Variants in SEMA5A observed in about 807,000 individuals in gnomAD.
SEMA5A encodes the protein semaphorin 5A, also known as semaphorin-5A.
A neutral mutation model predicts 135.5 loss-of-function variants in SEMA5A; 55 were observed. The ratio of observed to expected loss-of-function variants is 0.41; its 90% CI spans 0.33 to 0.51. The LOEUF is 0.51. Ranked by LOEUF, SEMA5A falls within the 20% of genes least tolerant of loss-of-function variation. The probability of loss-of-function intolerance (pLI) is 0.37; values close to 1 mark genes in which losing one functional copy is unlikely to be tolerated. For missense variants in SEMA5A, 1,290 were observed against 1,419.9 expected (o/e 0.91, Z 1.47); for synonymous variants, 580 against 546.5 (o/e 1.06, Z -0.85).
intron 5 of SEMA5A, among the ~76,000 whole-genome samples, chr5:9,276,020 T>G (rs1750242761): frequency 6.6e-6 from 1 of 152,200 alleles, no homozygotes; most frequent in African/African-American, 2.4e-5. Flanking sequence ...GAAGTCAAAT[T>G]GTCTCTGTTT....
intron 9 of SEMA5A, among the ~76,000 whole-genome samples, chr5:9,200,929 G>A (rs1745670648): frequency 6.6e-6 from 1 of 152,208 alleles, no homozygotes; most frequent in South Asian, 2.1e-4. Flanking sequence ...GGTTTCCTTA[G>A]TTACAGGGCT....
rs1449243357 is a variant in SEMA5A, at chr5:9,204,250, G to C, written c.647-2010C>G. Among the ~76,000 whole-genome samples, 1 of 152,130 alleles carries C rather than the reference G, an allele frequency of 6.6e-6. No homozygotes were observed. Among genetic ancestry groups the C allele is most frequent in the Non-Finnish European group, 1.5e-5 (1 of 68,030 alleles). On this transcript the variant is annotated intron_variant, in intron 8 of 22. Coordinates refer to ENST00000382496, the MANE Select transcript of SEMA5A (RefSeq NM_003966.3). This position sits in a 1 kb window ranked among gnomAD's most constrained non-coding sequence, Gnocchi z 6.4. ...CCCTTCCTAAAATGTGGAAAACAAAGAGAGAAGGCGTAAGGGTCCAAGTGT... is the reference window on the plus strand; with the variant it reads ...CCCTTCCTAAAATGTGGAAAACAAACAGAGAAGGCGTAAGGGTCCAAGTGT...
In SEMA5A at chr5:9,096,482, A is replaced by G. The variant is rs564623304; in HGVS notation, c.2073+11658T>C. Among the ~76,000 whole-genome samples, 16 of 152,078 alleles carry G rather than the reference A, an allele frequency of 1.1e-4. No individual in the cohort carries two copies. In the South Asian group the frequency reaches 3.1e-3, roughly 30 times the overall value. On this transcript the variant is annotated intron_variant, in intron 16 of 22. Transcript: ENST00000382496. ...CTTTGTTTGGTTTATTTTATTTAGC[A>G]TAATGTGTGCCACATCCATCCATGC...
At chr5:9,063,632 A>T (rs543500954) in intron 17 of SEMA5A, among the ~76,000 whole-genome samples, 1 of 152,360 alleles carries the variant, frequency 6.6e-6, no homozygotes, top group East Asian at 1.9e-4. Flanking sequence ...CACAGGCCTG[A>T]GAAACTCCTG....
At chr5:9,052,775 G>T (rs1216105051) in intron 19 of SEMA5A, among the ~76,000 whole-genome samples, 1 of 151,522 alleles carries the variant, frequency 6.6e-6, no homozygotes, top group Non-Finnish European at 1.5e-5. Context: ...TGTGTGAAAA[G>T]AAAGGAGTAA....
intron 1 of SEMA5A, among the ~76,000 whole-genome samples, chr5:9,477,400 T>G (rs1317398367): frequency 1.3e-5 from 2 of 152,130 alleles, no homozygotes; most frequent in East Asian, 3.9e-4. Context: ...GTTGGAATAG[T>G]CTGGAGGGCT....
At chr5:9,324,497 A>G (rs184831248) in intron 4 of SEMA5A, among the ~76,000 whole-genome samples, 28 of 152,314 alleles carry the variant, frequency 1.8e-4, no homozygotes, top group African/African-American at 6.5e-4. Flanking sequence ...TCCTTGAACT[A>G]TTTGGCCCCA....
chr5:9,284,633 A>T (rs2150571637), intron 5 of SEMA5A, among the ~76,000 whole-genome samples: 1 of 152,204 alleles, frequency 6.6e-6, no homozygotes, highest in Middle Eastern at 3.4e-3. Flanking sequence ...TTGCTAACTC[A>T]GTAATTCTTT....
At chr5:9,304,400 C>T (rs1021073117) in intron 5 of SEMA5A, among the ~76,000 whole-genome samples, 3 of 151,902 alleles carry the variant, frequency 2.0e-5, no homozygotes, top group Admixed American at 6.6e-5. Context: ...AATTCTTTAT[C>T]GATCTGATTT....
intron 3 of SEMA5A, among the ~76,000 whole-genome samples, chr5:9,364,992 G>A (rs553263219): frequency 6.6e-5 from 10 of 152,182 alleles, no homozygotes; most frequent in Non-Finnish European, 1.3e-4. Context: ...AGTACTCATT[G>A]TTCAGAAAGA....
At chr5:9,121,212 A>C (rs1208371613) in intron 14 of SEMA5A, among the ~76,000 whole-genome samples, 2 of 152,236 alleles carry the variant, frequency 1.3e-5, no homozygotes, top group Admixed American at 1.3e-4. Flanking sequence ...GCAGCTTTAC[A>C]CGTATATGTC....
intron 17 of SEMA5A, among the ~76,000 whole-genome samples, chr5:9,066,059 A>C (rs994636566): frequency 6.6e-6 from 1 of 152,234 alleles, no homozygotes; most frequent in African/African-American, 2.4e-5. Flanking sequence ...TAAATAAAGA[A>C]AAACCTTTTT....
At chr5:9,474,966 C>T (rs1759614897) in intron 1 of SEMA5A, among the ~76,000 whole-genome samples, 1 of 152,184 alleles carries the variant, frequency 6.6e-6, no homozygotes, top group African/African-American at 2.4e-5. Context: ...TATTTAGAAA[C>T]CGAGCCTCAC....
intron 4 of SEMA5A, among the ~76,000 whole-genome samples, chr5:9,323,560 T>C (rs1046608195): frequency 1.3e-5 from 2 of 152,144 alleles, no homozygotes; most frequent in Non-Finnish European, 2.9e-5. Flanking sequence ...AATGTGTATA[T>C]TCATGCCAGT....
chr5:9,336,240 C>T (rs1380742442), intron 4 of SEMA5A, among the ~76,000 whole-genome samples: 1 of 152,096 alleles, frequency 6.6e-6, no homozygotes, highest in Non-Finnish European at 1.5e-5. Context: ...TAAATAATTC[C>T]ACATGCCTGG....
At chr5:9,543,202 A>G (rs1738187505) in intron 1 of SEMA5A, among the ~76,000 whole-genome samples, 3 of 152,228 alleles carry the variant, frequency 2.0e-5, no homozygotes, top group Admixed American at 2.0e-4. Flanking sequence ...TCCTTCAGCA[A>G]GAGGCTAACA....
intron 1 of SEMA5A, among the ~76,000 whole-genome samples, chr5:9,444,078 A>G (rs142791665): frequency 7.9e-5 from 12 of 152,376 alleles, no homozygotes; most frequent in African/African-American, 2.9e-4. Context: ...TTTACATTCA[A>G]GACAGGGTCA....
At chr5:9,172,631 C>T (rs879465277) in intron 11 of SEMA5A, among the ~76,000 whole-genome samples, 4 of 152,256 alleles carry the variant, frequency 2.6e-5, no homozygotes, top group Middle Eastern at 3.4e-3. Flanking sequence ...CCTACAGAAA[C>T]CTCTAAACTG....
intron 3 of SEMA5A, among the ~76,000 whole-genome samples, chr5:9,355,922 C>T (rs1301416258): frequency 6.6e-6 from 1 of 152,202 alleles, no homozygotes; most frequent in South Asian, 2.1e-4. Flanking sequence ...CTCTATAGTT[C>T]ACTGTAGAAT....
Sources: gnomAD v4.1 joint callset for allele counts (sites outside exome capture counted in the v4.1 genomes callset) on GRCh38, gnomAD v4.1.1 for gene constraint, Gnocchi (gnomAD v3.1) non-coding constraint, MANE v1.5 for transcripts, NCBI Gene and HGNC (gene_info 2026-07-23, HGNC 2026-07-21) for gene names.